GALNT17: variants seen among roughly 807,000 people sequenced by gnomAD.
GALNT17 encodes the protein polypeptide N-acetylgalactosaminyltransferase 17.
Under a neutral mutation model 63.7 loss-of-function variants are expected in GALNT17, and 29 were observed. The observed-to-expected ratio is 0.46, with a 90% CI of 0.34 to 0.62. The LOEUF (loss-of-function observed/expected upper bound fraction) is 0.62. GALNT17 is among the 20% of genes least tolerant of loss of function. The probability of loss-of-function intolerance (pLI) is 0.01; values close to 1 mark genes in which losing one functional copy is unlikely to be tolerated. For synonymous variants in GALNT17, 305 were observed against 318.3 expected (o/e 0.96, Z 0.45); for missense variants, 603 against 799.6 (o/e 0.75, Z 2.97).
At chr7:71,329,881 T>G (rs913604601) in intron 1 of GALNT17, among the ~76,000 whole-genome samples, 3 of 151,760 alleles carry the variant, frequency 2.0e-5, no homozygotes, top group Non-Finnish European at 4.4e-5. Flanking sequence ...GTCCTTTGGG[T>G]GTCCTCCAAG....
At chr7:71,635,865 G>A (rs547986032) in intron 6 of GALNT17, among the ~76,000 whole-genome samples, 6 of 152,194 alleles carry the variant, frequency 3.9e-5, no homozygotes, top group Non-Finnish European at 8.8e-5. Flanking sequence ...GAGTGTAGCA[G>A]TGAGGACGAC....
chr7:71,442,750 C>G (rs1468232531), intron 5 of GALNT17, among the ~76,000 whole-genome samples: 2 of 152,156 alleles, frequency 1.3e-5, no homozygotes, highest in African/African-American at 4.8e-5. Flanking sequence ...GCTTGCTTAA[C>G]TGTTGTGAAT....
chr7:71,622,556 C>T (rs1790311937), intron 6 of GALNT17, among the ~76,000 whole-genome samples: 1 of 152,130 alleles, frequency 6.6e-6, no homozygotes, highest in Non-Finnish European at 1.5e-5. Flanking sequence ...TGGACTCCTA[C>T]CTTGCCCATG....
At chr7:71,373,169 T>C (rs955922951) in intron 2 of GALNT17, among the ~76,000 whole-genome samples, 1 of 152,176 alleles carries the variant, frequency 6.6e-6, no homozygotes, top group African/African-American at 2.4e-5. Flanking sequence ...TCAGGCTCTT[T>C]TCAGGAATGC....
At chr7:71,145,315 C>T (rs1379007494) in intron 1 of GALNT17, among the ~76,000 whole-genome samples, 2 of 152,044 alleles carry the variant, frequency 1.3e-5, no homozygotes, top group Admixed American at 6.6e-5. Flanking sequence ...GGCAACAAAG[C>T]GAGACTCCAT....
At chr7:71,168,875 G>A (rs1032375605) in intron 1 of GALNT17, among the ~76,000 whole-genome samples, 3 of 152,136 alleles carry the variant, frequency 2.0e-5, no homozygotes, top group Non-Finnish European at 4.4e-5. Flanking sequence ...TGCAGGTGGG[G>A]ATAAACTCTA....
chr7:71,491,563 A>C (rs948317078), intron 5 of GALNT17, among the ~76,000 whole-genome samples: 5 of 152,196 alleles, frequency 3.3e-5, no homozygotes, highest in Non-Finnish European at 7.3e-5. Flanking sequence ...CAGGGTTCCC[A>C]TATCAGCCCG....
intron 6 of GALNT17, among the ~76,000 whole-genome samples, chr7:71,639,239 AC>A (rs1828775907): frequency 6.6e-6 from 1 of 152,186 alleles, no homozygotes; most frequent in African/African-American, 2.4e-5. Flanking sequence ...ACAAAAATTA[AC>A]ATTTGTTTGA....
intron 2 of GALNT17, among the ~76,000 whole-genome samples, chr7:71,336,709 T>C (rs1475926061): frequency 6.6e-6 from 1 of 152,240 alleles, no homozygotes; most frequent in Non-Finnish European, 1.5e-5. Context: ...ATGGTGTATA[T>C]GTGCCACATT....
At chr7:71,405,757 A>T (rs1793317529) in intron 3 of GALNT17, among the ~76,000 whole-genome samples, 1 of 152,098 alleles carries the variant, frequency 6.6e-6, no homozygotes, top group African/African-American at 2.4e-5. Context: ...AAGGACACTC[A>T]TCCCATTCAT....
At chr7:71,584,801 G>A (rs1789691389) in intron 6 of GALNT17, among the ~76,000 whole-genome samples, 2 of 151,666 alleles carry the variant, frequency 1.3e-5, no homozygotes, top group Admixed American at 6.6e-5. Flanking sequence ...ACAGAGTCTC[G>A]CGAAGTGCAG....
intron 3 of GALNT17, among the ~76,000 whole-genome samples, chr7:71,389,073 GCTTCT>G (rs1335014579): frequency 5.9e-5 from 9 of 152,078 alleles, no homozygotes; most frequent in African/African-American, 2.2e-4. Flanking sequence ...AGTAGCATTA[GCTTCT>G]CATAGGAGCA....
chr7:71,498,496 A>G (rs1017003561), intron 5 of GALNT17, among the ~76,000 whole-genome samples: 9 of 152,118 alleles, frequency 5.9e-5, no homozygotes, highest in African/African-American at 2.2e-4. Flanking sequence ...AAAGAGAGAA[A>G]GGGCTATGTA....
intron 1 of GALNT17, among the ~76,000 whole-genome samples, chr7:71,294,022 C>T (rs1791031670): frequency 6.6e-6 from 1 of 152,030 alleles, no homozygotes; most frequent in Admixed American, 6.5e-5. Context: ...ATTAGCTGGG[C>T]ATGGTGGCGG....
chr7:71,417,973 CA>C (rs1456718721), intron 4 of GALNT17, among the ~76,000 whole-genome samples: 1 of 152,156 alleles, frequency 6.6e-6, no homozygotes, highest in Non-Finnish European at 1.5e-5. Context: ...TCACCTAAAC[CA>C]ATGCGGTCAC....
intron 6 of GALNT17, among the ~76,000 whole-genome samples, chr7:71,584,723 G>A (rs1335637899): frequency 6.6e-6 from 1 of 152,094 alleles, no homozygotes; most frequent in Non-Finnish European, 1.5e-5. Context: ...TGTCTCTAAA[G>A]TATCTTTCAA....
chr7:71,595,900 G>T (rs1207594847), intron 6 of GALNT17, among the ~76,000 whole-genome samples: 3 of 152,164 alleles, frequency 2.0e-5, no homozygotes, highest in African/African-American at 4.8e-5. Flanking sequence ...AAGACAATTT[G>T]TTGCAGGAAT....
At chr7:71,285,407 G>C (rs1790855261) in intron 1 of GALNT17, among the ~76,000 whole-genome samples, 1 of 152,128 alleles carries the variant, frequency 6.6e-6, no homozygotes, top group African/African-American at 2.4e-5. Flanking sequence ...TAAATTTTTA[G>C]GATTGTTGTA....
intron 1 of GALNT17, among the ~76,000 whole-genome samples, chr7:71,304,439 C>T (rs1791254471): frequency 6.6e-6 from 1 of 152,134 alleles, no homozygotes; most frequent in Non-Finnish European, 1.5e-5. Flanking sequence ...ACCGTATGAT[C>T]TTAAATACAT....
Sources: gnomAD v4.1 joint callset for allele counts (sites outside exome capture counted in the v4.1 genomes callset) on GRCh38, gnomAD v4.1.1 for gene constraint, MANE v1.5 for transcripts, NCBI Gene and HGNC (gene_info 2026-07-23, HGNC 2026-07-21) for gene names.